The following FHOD3 variants were observed in gnomAD, a reference collection of about 807,000 sequenced individuals.
FHOD3 encodes formin homology 2 domain containing 3, also known as FH1/FH2 domain-containing protein 3.
A neutral mutation model predicts 173.0 loss-of-function variants in FHOD3; 90 were observed. The ratio of observed to expected loss-of-function variants is 0.52; its 90% CI spans 0.44 to 0.62. FHOD3 has a LOEUF of 0.62. FHOD3 is among the 20% of genes least tolerant of loss of function. The probability of loss-of-function intolerance (pLI) is 0.00; values close to 1 mark genes in which losing one functional copy is unlikely to be tolerated. For missense variants in FHOD3, 1,945 were observed against 2,034.7 expected (o/e 0.96, Z 0.85); for synonymous variants, 828 against 823.0 (o/e 1.01, Z -0.10).
chr18:36,399,147 C>T (rs1046254506), intron 3 of FHOD3, among the ~76,000 whole-genome samples: 9 of 152,176 alleles, frequency 5.9e-5, no homozygotes, highest in African/African-American at 1.9e-4. Context: ...AAAACAGGCC[C>T]ATCACATTCC....
intron 22 of FHOD3, among the ~76,000 whole-genome samples, chr18:36,743,461 C>T (rs1035437765): frequency 1.3e-5 from 2 of 152,048 alleles, no homozygotes; most frequent in Non-Finnish European, 1.5e-5. Context: ...TCCTTCTGCC[C>T]CATTTTTTTT....
chr18:36,718,772 T>C (rs1290480044), intron 19 of FHOD3, 57 bp downstream of exon 19: 3 of 1,548,938 alleles, frequency 1.9e-6, no homozygotes, highest in Non-Finnish European at 2.6e-6. Context: ...CTGAAGAGAT[T>C]CGTTCTGTAT....
intron 5 of FHOD3, among the ~76,000 whole-genome samples, chr18:36,555,615 T>G (rs2057848452): frequency 2.0e-5 from 3 of 152,158 alleles, no homozygotes; most frequent in Admixed American, 2.0e-4. Flanking sequence ...TCTATATAGA[T>G]TACTGTGAGA....
chr18:36,510,362 A>AT (rs1237305561), intron 4 of FHOD3, among the ~76,000 whole-genome samples: 9 of 152,158 alleles, frequency 5.9e-5, no homozygotes, highest in African/African-American at 1.9e-4. Context: ...AATTTGGAAG[A>AT]TTTTTTTCCA....
At chr18:36,358,181 C>T (rs1381145258) in intron 2 of FHOD3, among the ~76,000 whole-genome samples, 2 of 152,208 alleles carry the variant, frequency 1.3e-5, no homozygotes, top group Admixed American at 6.5e-5. Flanking sequence ...AGACTGTGCT[C>T]TTCTGCCATC....
intron 4 of FHOD3, among the ~76,000 whole-genome samples, chr18:36,505,989 A>G (rs2901813): frequency 0.13 from 20,345 of 152,204 alleles, 2,054 homozygotes; most frequent in East Asian, 0.59. Context: ...ATGGATCACC[A>G]TATCATCTTT....
At chr18:36,322,375 A>C (rs1316221252) in intron 1 of FHOD3, among the ~76,000 whole-genome samples, 1 of 152,018 alleles carries the variant, frequency 6.6e-6, no homozygotes. Flanking sequence ...ATTCTTGGGG[A>C]TCTCCAGAAG....
At chr18:36,454,255 TACACAGGGGCACACAC>T (rs2052033791) in intron 3 of FHOD3, among the ~76,000 whole-genome samples, 1 of 151,292 alleles carries the variant, frequency 6.6e-6, no homozygotes, top group African/African-American at 2.4e-5. Context: ...TGGGAGGGCA[TACACAGGGGCACACAC>T]ACAAGAGGGT....
chr18:36,309,990 A>G (rs1408561394), intron 1 of FHOD3, among the ~76,000 whole-genome samples: 2 of 152,216 alleles, frequency 1.3e-5, no homozygotes, highest in African/African-American at 4.8e-5. Context: ...AATGCACTGT[A>G]ATCACCCCTC....
chr18:36,658,117 C>T lies in FHOD3; in HGVS notation c.1764C>T (p.Pro588=), dbSNP rs943182579. ...ATAACTCTTATCACTCCTCAAGACC[C>T]TCATCTGGATCCAGTGTGCCCACCA... ...FGNNSYHSSR[P]SSGSSVPTTP... The change falls in exon 14 of 29, where the codon CCC becomes CCT. Residue 588 remains proline (P), a synonymous_variant. Transcript: ENST00000590592. 6.2e-7 allele frequency: 1 copy of T among 1,603,198 alleles called. No homozygotes were observed. The highest frequency in any genetic ancestry group is 8.5e-7 in the Non-Finnish European group (1 of 1,175,586).
At chr18:36,548,881 G>T (rs1175969418) in intron 5 of FHOD3, among the ~76,000 whole-genome samples, 1 of 152,078 alleles carries the variant, frequency 6.6e-6, no homozygotes, top group East Asian at 1.9e-4. Flanking sequence ...TAAAGCCTTT[G>T]TGAACATCAG....
intron 1 of FHOD3, among the ~76,000 whole-genome samples, chr18:36,334,627 G>C (rs774074736): frequency 6.6e-6 from 1 of 152,078 alleles, no homozygotes; most frequent in Non-Finnish European, 1.5e-5. Context: ...ATCTTGATTC[G>C]GTGATCAGAA....
intron 5 of FHOD3, among the ~76,000 whole-genome samples, chr18:36,527,546 T>A (rs751615223): frequency 1.3e-5 from 2 of 152,162 alleles, no homozygotes; most frequent in Non-Finnish European, 2.9e-5. Flanking sequence ...TTCTTCTCCA[T>A]GTGGGTGACA....
intron 10 of FHOD3, among the ~76,000 whole-genome samples, chr18:36,639,814 GTTT>G (rs35647519): frequency 0.074 from 10,850 of 145,928 alleles, 672 homozygotes; most frequent in East Asian, 0.23. Flanking sequence ...AGAATAAAGT[GTTT>G]TTTTTTTTTT....
chr18:36,630,296 A>G (rs1170262722), intron 10 of FHOD3, among the ~76,000 whole-genome samples: 1 of 152,196 alleles, frequency 6.6e-6, no homozygotes. Context: ...ATGGAAACAG[A>G]TTCCTTAAAT....
intron 1 of FHOD3, among the ~76,000 whole-genome samples, chr18:36,318,085 A>C (rs989132734): frequency 6.6e-6 from 1 of 152,018 alleles, no homozygotes; most frequent in Non-Finnish European, 1.5e-5. Context: ...TGGTCTATGT[A>C]TCTGTTTTGT....
At chr18:36,749,117 A>G (rs528821762) in intron 24 of FHOD3, among the ~76,000 whole-genome samples, 123 of 152,150 alleles carry the variant, frequency 8.1e-4, no homozygotes, top group African/African-American at 2.8e-3. Flanking sequence ...TTTGGGTAAA[A>G]CCTACTTTTT....
intron 3 of FHOD3, among the ~76,000 whole-genome samples, chr18:36,491,166 A>C (rs1298922957): frequency 6.6e-6 from 1 of 152,152 alleles, no homozygotes; most frequent in Non-Finnish European, 1.5e-5. Flanking sequence ...TGTTTGCGGA[A>C]GGGGTTGTAA....
intron 3 of FHOD3, among the ~76,000 whole-genome samples, chr18:36,408,374 A>G (rs1339509470): frequency 6.6e-6 from 1 of 152,162 alleles, no homozygotes; most frequent in African/African-American, 2.4e-5. Context: ...GCAGATCTGC[A>G]TGCCCCACGG....
Sources: allele counts gnomAD v4.1 joint callset (sites outside exome capture counted in the v4.1 genomes callset), GRCh38; gene constraint gnomAD v4.1.1; transcripts MANE v1.5; gene names NCBI Gene and HGNC (gene_info 2026-07-23, HGNC 2026-07-21).